Variants in CCSER1 observed in about 807,000 individuals in gnomAD.
The protein encoded by CCSER1 is coiled-coil serine rich protein 1, also known as serine-rich coiled-coil domain-containing protein 1.
In CCSER1, 41 loss-of-function variants were observed where a neutral mutation model predicts 82.0. The ratio of observed to expected loss-of-function variants is 0.50; its 90% CI spans 0.39 to 0.65. CCSER1 has a LOEUF of 0.65. Ranked by LOEUF, CCSER1 falls within the 30% of genes least tolerant of loss-of-function variation. The pLI is 0.00. For synonymous variants in CCSER1, 414 were observed against 383.9 expected (o/e 1.08, Z -0.92); for missense variants, 1,119 against 1,064.2 (o/e 1.05, Z -0.72).
intron 10 of CCSER1, among the ~76,000 whole-genome samples, chr4:91,458,797 G>A (rs979114116): frequency 4.6e-5 from 7 of 152,006 alleles, no homozygotes; most frequent in African/African-American, 1.7e-4. Flanking sequence ...TTTTCCAGTT[G>A]TTCACTGTTA....
At chr4:90,497,682 A>G (rs1035749828) in intron 5 of CCSER1, among the ~76,000 whole-genome samples, 1 of 152,226 alleles carries the variant, frequency 6.6e-6, no homozygotes. Flanking sequence ...CCAAAGAAGT[A>G]CACTAATTAC....
At chr4:90,331,519 A>G (rs1446716089) in intron 3 of CCSER1, among the ~76,000 whole-genome samples, 1 of 152,328 alleles carries the variant, frequency 6.6e-6, no homozygotes, top group East Asian at 1.9e-4. Flanking sequence ...ATTTCCTACC[A>G]GAGTCCTGAA....
At chr4:90,759,253 CTG>C (rs1750057971) in intron 7 of CCSER1, among the ~76,000 whole-genome samples, 1 of 152,132 alleles carries the variant, frequency 6.6e-6, no homozygotes, top group Non-Finnish European at 1.5e-5. Flanking sequence ...CTCTAATAGA[CTG>C]TAATTAATCT....
chr4:91,200,213 A>G (rs1282806996), intron 10 of CCSER1, among the ~76,000 whole-genome samples: 1 of 152,108 alleles, frequency 6.6e-6, no homozygotes. Context: ...AATTTTCAAA[A>G]GAAAGATTGT....
intron 1 of CCSER1, among the ~76,000 whole-genome samples, chr4:90,255,148 A>G (rs1723052978): frequency 6.6e-6 from 1 of 152,178 alleles, no homozygotes; most frequent in Non-Finnish European, 1.5e-5. Flanking sequence ...GCAAGTAACA[A>G]TTCTTTTATT....
chr4:90,440,753 A>G (rs1172734907), intron 4 of CCSER1, among the ~76,000 whole-genome samples: 1 of 152,140 alleles, frequency 6.6e-6, no homozygotes, highest in African/African-American at 2.4e-5. Flanking sequence ...CAAGCGACTC[A>G]TGTTTATTTT....
chr4:90,170,413 T>C (rs867069547), intron 1 of CCSER1, among the ~76,000 whole-genome samples: 3 of 152,000 alleles, frequency 2.0e-5, no homozygotes, highest in African/African-American at 4.8e-5. Context: ...CCTTTTTTTT[T>C]TTTTACTGTA....
chr4:91,119,193 A>T (rs925536177), intron 10 of CCSER1, among the ~76,000 whole-genome samples: 3 of 152,202 alleles, frequency 2.0e-5, no homozygotes, highest in Admixed American at 6.6e-5. Flanking sequence ...AACATTGATT[A>T]AACTCCACTG....
chr4:90,359,231 G>A (rs1049938267), intron 3 of CCSER1, among the ~76,000 whole-genome samples: 52 of 152,104 alleles, frequency 3.4e-4, no homozygotes, highest in African/African-American at 1.1e-3. Context: ...TACTCAAAAA[G>A]GGGAGTAATG....
chr4:90,215,573 G>A (rs1295341829), intron 1 of CCSER1, among the ~76,000 whole-genome samples: 1 of 150,678 alleles, frequency 6.6e-6, no homozygotes, highest in East Asian at 2.1e-4. Context: ...ATGCACACCT[G>A]GTTAAAAAAA....
chr4:91,281,710 A>G (rs528200754), intron 10 of CCSER1, among the ~76,000 whole-genome samples: 54 of 152,354 alleles, frequency 3.5e-4, no homozygotes, highest in African/African-American at 1.2e-3. Context: ...ATTTATCTCA[A>G]CAACTTGAAG....
At chr4:90,227,206 C>G (rs1436543114) in intron 1 of CCSER1, among the ~76,000 whole-genome samples, 1 of 152,174 alleles carries the variant, frequency 6.6e-6, no homozygotes, top group Admixed American at 6.5e-5. Flanking sequence ...AATGGCAAAT[C>G]TATCAGATTA....
intron 8 of CCSER1, among the ~76,000 whole-genome samples, chr4:90,902,247 T>A (rs1331860628): frequency 2.0e-5 from 3 of 151,992 alleles, no homozygotes; most frequent in Non-Finnish European, 4.4e-5. Context: ...TGGATCACAC[T>A]GAATTTCCTG....
chr4:90,575,338 C>T (rs1708130824), intron 5 of CCSER1, among the ~76,000 whole-genome samples: 2 of 152,016 alleles, frequency 1.3e-5, no homozygotes, highest in South Asian at 2.1e-4. Flanking sequence ...AGTGTGAGGG[C>T]GAGAGTAAGA....
intron 10 of CCSER1, among the ~76,000 whole-genome samples, chr4:91,339,920 C>T (rs1415574134): frequency 6.6e-6 from 1 of 151,976 alleles, no homozygotes; most frequent in Non-Finnish European, 1.5e-5. Context: ...AGTTCAAGAC[C>T]AGCCTGATCA....
In CCSER1 at chr4:91,217,633, T is replaced by G. The variant is rs536140070; in HGVS notation, c.2217+131639T>G. Among the ~76,000 whole-genome samples the G allele has an allele frequency of 3.6e-3, 551 of 152,286 alleles. 5 individuals are homozygous for G. The highest frequency in any genetic ancestry group is 0.013 in the African/African-American group (525 of 41,540). ...CAGCTAGATACAGAGTGTCGATTGGTGCACTCACAAACCTTGAGTTAAACA... is the reference window on the plus strand; with the variant it reads ...CAGCTAGATACAGAGTGTCGATTGGGGCACTCACAAACCTTGAGTTAAACA... On this transcript the variant is annotated intron_variant, in intron 10 of 10. Coordinates refer to ENST00000509176, the MANE Select transcript of CCSER1 (RefSeq NM_001145065.2).
intron 10 of CCSER1, among the ~76,000 whole-genome samples, chr4:91,368,486 GCA>G (rs1749798473): frequency 6.6e-6 from 1 of 151,944 alleles, no homozygotes; most frequent in African/African-American, 2.4e-5. Context: ...GCAGAATTAT[GCA>G]TTTTTCTACT....
intron 8 of CCSER1, among the ~76,000 whole-genome samples, chr4:90,828,896 A>G (rs1420991306): frequency 6.6e-6 from 1 of 152,158 alleles, no homozygotes; most frequent in Non-Finnish European, 1.5e-5. Context: ...ATTAAATTAT[A>G]TAGATGAAAG....
chr4:91,218,400 C>T (rs896436244), intron 10 of CCSER1, among the ~76,000 whole-genome samples: 2 of 152,156 alleles, frequency 1.3e-5, no homozygotes, highest in Non-Finnish European at 1.5e-5. Context: ...CCTTGGCCAG[C>T]CCAGAAAGGG....
Sources: gnomAD v4.1 joint callset for allele counts (sites outside exome capture counted in the v4.1 genomes callset) on GRCh38, gnomAD v4.1.1 for gene constraint, MANE v1.5 for transcripts, NCBI Gene and HGNC (gene_info 2026-07-23, HGNC 2026-07-21) for gene names.